Variants in ARFGEF2 observed in about 807,000 individuals in gnomAD.
ARFGEF2 encodes brefeldin A-inhibited guanine nucleotide-exchange protein 2.
ARFGEF2 carries 74 observed loss-of-function variants against 219.9 expected under a neutral mutation model. That is an observed-to-expected ratio of 0.34 (90% CI 0.28 to 0.41). ARFGEF2 has a LOEUF of 0.41. ARFGEF2 is among the 10% of genes least tolerant of loss of function. The pLI, the probability that ARFGEF2 is intolerant of heterozygous loss-of-function variation, is 1.00. For synonymous variants in ARFGEF2, 733 were observed against 799.2 expected, an observed-to-expected ratio of 0.92 and a Z score of 1.40; for missense variants, 1,743 against 2,218.3, an observed-to-expected ratio of 0.79 and a Z score of 4.30.
At chr20:49,009,982 T>G (rs1568735734) in intron 26 of ARFGEF2, among the ~76,000 whole-genome samples, 1 of 152,244 alleles carries the variant, frequency 6.6e-6, no homozygotes, top group Non-Finnish European at 1.5e-5. Context: ...TTTTTCCTTT[T>G]GTTCTTCCAT....
At chr20:48,927,702 T>A (rs1324742432) in intron 1 of ARFGEF2, among the ~76,000 whole-genome samples, 2 of 151,670 alleles carry the variant, frequency 1.3e-5, no homozygotes, top group Non-Finnish European at 2.9e-5. Flanking sequence ...AAAAAAAAAT[T>A]AAAAAATAAA....
chr20:48,941,587 G>A (rs1423775282), intron 2 of ARFGEF2, among the ~76,000 whole-genome samples: 2 of 152,216 alleles, frequency 1.3e-5, no homozygotes, highest in African/African-American at 4.8e-5. Context: ...TAGTAAGGAA[G>A]GCCGTTAGTC....
At chr20:48,955,872 A>G (rs2091102462) in intron 6 of ARFGEF2, among the ~76,000 whole-genome samples, 1 of 152,184 alleles carries the variant, frequency 6.6e-6, no homozygotes, top group African/African-American at 2.4e-5. Flanking sequence ...CAGGAGTTTG[A>G]GGCTGCAGTG....
intron 34 of ARFGEF2, among the ~76,000 whole-genome samples, chr20:49,021,723 C>T (rs181158097): frequency 1.3e-5 from 2 of 151,466 alleles, no homozygotes; most frequent in Non-Finnish European, 2.9e-5. Flanking sequence ...GTGCCGGGTG[C>T]CTGTAGTCCC....
chr20:48,922,680 T>C (rs1274566766), intron 1 of ARFGEF2, among the ~76,000 whole-genome samples: 1 of 152,258 alleles, frequency 6.6e-6, no homozygotes. Flanking sequence ...AGGTGCTCGA[T>C]AAATATTTGC....
chr20:48,971,325 T>C lies in ARFGEF2; in HGVS notation c.1396T>C (p.Phe466Leu). The change falls in exon 10 of 39, where the codon TTT becomes CTT. Residue 466 changes from phenylalanine (F) to leucine (L), a missense_variant. Transcript: ENST00000371917. ...LAIFLTLLSN[F>L]KMHLKMQIEV... is the part of the protein sequence containing the mutation. ...CATTTTTCTTACTCTTCTTTCAAACTTTAAAATGCACTTGAAAATGCAGAT... is the reference window on the plus strand; with the variant it reads ...CATTTTTCTTACTCTTCTTTCAAACCTTAAAATGCACTTGAAAATGCAGAT... The C allele has an allele frequency of 6.2e-7, 1 of 1,614,188 alleles. No individual in the cohort carries two copies. The highest frequency in any genetic ancestry group is 8.5e-7 in the Non-Finnish European group (1 of 1,180,014).
At chr20:48,946,495 A>ATATT (rs1555807700) in intron 3 of ARFGEF2, among the ~76,000 whole-genome samples, 7 of 134,322 alleles carry the variant, frequency 5.2e-5, no homozygotes, top group East Asian at 4.1e-4. Flanking sequence ...ATATATATAT[A>ATATT]TTTTTATTTT....
At chr20:48,995,977 T>C in intron 23 of ARFGEF2, 95 bp downstream of exon 23, 1 of 1,122,410 alleles carries the variant, frequency 8.9e-7, no homozygotes, top group Non-Finnish European at 1.4e-6. Context: ...TTTCTTTAAC[T>C]GATACAAGTG....
chr20:49,025,570 C>G (rs1213686519), intron 36 of ARFGEF2, 89 bp downstream of exon 36: 4 of 1,420,964 alleles, frequency 2.8e-6, no homozygotes, highest in Non-Finnish European at 3.9e-6. Context: ...AAATTTTAAA[C>G]ATAGCTAGAA....
chr20:49,030,289 A>G (rs1467427812), intron 37 of ARFGEF2, among the ~76,000 whole-genome samples: 1 of 152,112 alleles, frequency 6.6e-6, no homozygotes, highest in African/African-American at 2.4e-5. Flanking sequence ...AAAAAGCTGC[A>G]AAAGTGTTTT....
At chr20:48,982,933 T>G (rs1258673828) in intron 14 of ARFGEF2, among the ~76,000 whole-genome samples, 3 of 152,200 alleles carry the variant, frequency 2.0e-5, no homozygotes, top group African/African-American at 7.2e-5. Flanking sequence ...TGGAAAATCC[T>G]CCGACCCCTT....
At chr20:49,013,487 A>C in intron 28 of ARFGEF2, 77 bp from the exon 29 acceptor site, 1 of 1,589,748 alleles carries the variant, frequency 6.3e-7, no homozygotes, top group Non-Finnish European at 8.6e-7. Context: ...GTGGGGCCTT[A>C]ATCTGCATAT....
chr20:49,029,965 T>G (rs978328358), intron 37 of ARFGEF2, among the ~76,000 whole-genome samples: 8 of 141,898 alleles, frequency 5.6e-5, no homozygotes, highest in African/African-American at 2.1e-4. Flanking sequence ...TGGAGTGCAG[T>G]GGCGTGATCT....
At chr20:49,001,054 CTTTTTTTTTTTTT>C (rs66754799) in intron 25 of ARFGEF2, among the ~76,000 whole-genome samples, 7 of 60,566 alleles carry the variant, frequency 1.2e-4, no homozygotes, top group African/African-American at 2.2e-4. Context: ...CTCAGGAACT[CTTTTTTTTTTTTT>C]TTTTTTTTTT....
intron 6 of ARFGEF2, among the ~76,000 whole-genome samples, chr20:48,960,097 G>A (rs1303714911): frequency 4.6e-5 from 7 of 152,146 alleles, no homozygotes; most frequent in African/African-American, 2.4e-5. Flanking sequence ...ACTGTTTTGC[G>A]AAAGAATATT....
intron 14 of ARFGEF2, 102 bp from the exon 15 acceptor site, chr20:48,984,627 G>A (rs1224660244): frequency 9.8e-6 from 14 of 1,430,736 alleles, no homozygotes; most frequent in African/African-American, 1.4e-5. Context: ...ATACGTGATG[G>A]CATGTTCATA....
intron 30 of ARFGEF2, 21 bp from the exon 31 acceptor site, chr20:49,016,255 AAGTG>A (rs1375810689): frequency 6.2e-7 from 1 of 1,612,820 alleles, no homozygotes; most frequent in Non-Finnish European, 8.5e-7. Flanking sequence ...AATAGCTTTT[AAGTG>A]TCATCTTTTT....
intron 26 of ARFGEF2, among the ~76,000 whole-genome samples, chr20:49,008,193 A>G (rs540789780): frequency 1.3e-5 from 2 of 152,036 alleles, no homozygotes; most frequent in Non-Finnish European, 2.9e-5. Context: ...AAAAAAACAA[A>G]CTATCTAAAT....
rs762455931 is a variant in ARFGEF2 at position 48,972,446 on chromosome 20, T to G, written c.1525+21T>G. ...TGCAGGTATTTCCACCTGGGGACAC[T>G]CATCCACTGGACTTCTGATGCTTTA... On this transcript the variant is annotated intron_variant, in intron 11 of 38. Transcript: ENST00000371917. 12 of 1,554,518 alleles carry G rather than the reference T, an allele frequency of 7.7e-6. No individual in the cohort carries two copies. The African/African-American group carries it at 1.2e-4, about 16-fold the overall frequency.
Sources: allele counts gnomAD v4.1 joint callset (sites outside exome capture counted in the v4.1 genomes callset), GRCh38; gene constraint gnomAD v4.1.1; transcripts MANE v1.5; gene names NCBI Gene and HGNC (gene_info 2026-07-23, HGNC 2026-07-21).